Variants in RABGEF1 observed in about 807,000 individuals in gnomAD.
RABGEF1 encodes the protein rab5 GDP/GTP exchange factor.
In RABGEF1, 26 loss-of-function variants were observed where a neutral mutation model predicts 57.3. The ratio of observed to expected loss-of-function variants is 0.45; its 90% CI spans 0.33 to 0.63. The LOEUF (loss-of-function observed/expected upper bound fraction) is 0.63. Ranked by LOEUF, RABGEF1 falls within the 20% of genes least tolerant of loss-of-function variation. The pLI is 0.02. For synonymous variants in RABGEF1, 185 were observed against 210.7 expected, an observed-to-expected ratio of 0.88 and a Z score of 1.06; for missense variants, 464 against 607.6, an observed-to-expected ratio of 0.76 and a Z score of 2.48.
At chr7:66,675,330 C>T in the RABGEF1 span, among the ~76,000 whole-genome samples, 5 of 151,784 alleles carry the variant, frequency 3.3e-5, no homozygotes, top group South Asian at 4.2e-4. Context: ...TTCGGGGGGC[C>T]GAGGCAGGAG....
chr7:66,738,496 G>A (rs563659962), upstream of RABGEF1, among the ~76,000 whole-genome samples: 16 of 152,184 alleles, frequency 1.1e-4, no homozygotes, highest in South Asian at 1.0e-3. Context: ...TTTGGAGGCC[G>A]GGGTGGGCAG....
the RABGEF1 span, among the ~76,000 whole-genome samples, chr7:66,666,613 G>A: frequency 1.3e-5 from 2 of 152,332 alleles, no homozygotes; most frequent in African/African-American, 2.4e-5. Context: ...AGGGGCAGAT[G>A]TTGAGCCTCT....
intron 1 of RABGEF1, among the ~76,000 whole-genome samples, chr7:66,758,107 C>G (rs1299706631): frequency 3.3e-5 from 5 of 152,074 alleles, no homozygotes; most frequent in African/African-American, 9.7e-5. Context: ...GATGAGTTGC[C>G]TGGAGAGAGG....
intron 7 of RABGEF1, 40 bp from the exon 8 acceptor site, chr7:66,805,100 T>A (rs1231948874): frequency 6.5e-7 from 1 of 1,542,964 alleles, no homozygotes; most frequent in South Asian, 1.1e-5. Flanking sequence ...TTTTTTGTGA[T>A]TCTTTTCTCC....
intron 4 of RABGEF1, among the ~76,000 whole-genome samples, chr7:66,794,147 C>T (rs1813420561): frequency 1.3e-5 from 2 of 150,568 alleles, no homozygotes; most frequent in Admixed American, 1.3e-4. Context: ...TAGACATCTT[C>T]CAGGAAAACA....
intron 6 of RABGEF1, 48 bp from the exon 7 acceptor site, chr7:66,799,275 G>A: frequency 6.7e-7 from 1 of 1,483,124 alleles, no homozygotes. Flanking sequence ...AAGACAAATG[G>A]CCACAGTTTA....
chr7:66,722,984 T>C (rs1796211805), intron 2 of RABGEF1, among the ~76,000 whole-genome samples: 2 of 152,188 alleles, frequency 1.3e-5, no homozygotes, highest in African/African-American at 4.8e-5. Flanking sequence ...TTTCTTTTTT[T>C]TTGAGATGGA....
At position 66,711,405 on chromosome 7, in the gene RABGEF1, A is replaced by ATTT. The variant is rs202115107; in HGVS notation, c.-872-748_-872-746dup. Among the ~76,000 whole-genome samples the ATTT allele has an allele frequency of 4.3e-5, 6 of 138,232 alleles. 1 individual carries two copies. In the East Asian group the frequency reaches 6.2e-4, roughly 14 times the overall value. The allele number at this position is 138,232 out of a possible 152,430, so 90.7% of individuals were successfully genotyped here. Reference sequence around the variant, plus strand: ...TTAGATCTGAGATCTTTTTGTGCTAATTTTTTTTTTTTTTTTGCATAAGCT... The same window carrying ATTT: ...TTAGATCTGAGATCTTTTTGTGCTAATTTTTTTTTTTTTTTTTTTGCATAAGCT... On this transcript the variant is annotated intron_variant and NMD_transcript_variant, in intron 1 of 9. Transcript: ENST00000607882.
intron 1 of RABGEF1, among the ~76,000 whole-genome samples, chr7:66,694,952 G>A (rs1162607155): frequency 1.3e-5 from 2 of 152,302 alleles, no homozygotes; most frequent in South Asian, 2.1e-4. Context: ...GCCCTGTTGA[G>A]GACGAGGCTG....
chr7:66,769,029 A>C (rs1271569391), intron 1 of RABGEF1: 1 of 152,212 alleles, frequency 6.6e-6, no homozygotes, highest in Non-Finnish European at 1.5e-5. Context: ...GGAGATGGTA[A>C]GTGGGGGGAT....
chr7:66,682,271 C>CG (rs1247525947), intron 1 of RABGEF1: 3 of 162,194 alleles, frequency 1.8e-5, no homozygotes, highest in Non-Finnish European at 4.4e-5. Context: ...ACGGAGTGGA[C>CG]GGACTGGGGC....
At chr7:66,808,842 C>A in intron 8 of RABGEF1, 44 bp from the exon 9 acceptor site, 1 of 1,471,006 alleles carries the variant, frequency 6.8e-7, no homozygotes, top group South Asian at 1.3e-5. Flanking sequence ...CTCGAGTATG[C>A]ATAGCTTTCC....
Position 66,771,891 on chromosome 7 carries a change from A to G in RABGEF1, c.-9A>G. ...CTTTCTTGTTTGTTCAGTGGTTAGC[A>G]GGAAGAAGATGAGCCTTAAGTCTGA... On this transcript the variant is annotated 5_prime_UTR_variant, in exon 2 of 9. Transcript: ENST00000284957. 16 of 1,492,714 alleles carry G rather than the reference A, an allele frequency of 1.1e-5. No homozygotes were observed. The highest frequency in any genetic ancestry group is 1.4e-5 in the Non-Finnish European group (16 of 1,114,944). 92.5% of individuals were successfully genotyped at this position (1,492,714 alleles called of 1,614,324 possible). A position where few individuals can be genotyped will look rare whatever the true frequency, so the allele number is the denominator to read the frequency against.
intron 7 of RABGEF1, among the ~76,000 whole-genome samples, chr7:66,800,633 C>T (rs1049750206): frequency 6.6e-6 from 1 of 152,192 alleles, no homozygotes; most frequent in Non-Finnish European, 1.5e-5. Flanking sequence ...TGGAGGCCTT[C>T]TAAAAGCCTG....
upstream of RABGEF1, among the ~76,000 whole-genome samples, chr7:66,678,337 G>C (rs1202022025): frequency 6.6e-6 from 1 of 151,868 alleles, no homozygotes; most frequent in Non-Finnish European, 1.5e-5. Flanking sequence ...AGGCCGAGGT[G>C]GGCGGATCAC....
At position 66,711,347 on chromosome 7, in the gene RABGEF1, C is replaced by T. The variant is rs1236276210; in HGVS notation, c.-872-820C>T. On this transcript the variant is annotated intron_variant and NMD_transcript_variant, in intron 1 of 9. Coordinates refer to the RABGEF1 transcript ENST00000607882. ...TAACCTAATGTCACAATATTTTTTT[C>T]GATGTTTTCTTCTTAAAGTTTTAGT... 1.1e-4 allele frequency among the ~76,000 whole-genome samples: 16 copies of T among 150,126 alleles called. No homozygotes were observed. The East Asian group carries it at 1.4e-3, about 13-fold the overall frequency.
chr7:66,719,369 A>G (rs745724893), intron 2 of RABGEF1, among the ~76,000 whole-genome samples: 57 of 152,182 alleles, frequency 3.7e-4, no homozygotes, highest in Non-Finnish European at 7.1e-4. Flanking sequence ...AGCCCAGCTA[A>G]TTTTTATATA....
chr7:66,705,339 A>T (rs983483676), intron 1 of RABGEF1, among the ~76,000 whole-genome samples: 6 of 152,090 alleles, frequency 3.9e-5, no homozygotes, highest in Middle Eastern at 6.8e-3. Context: ...AGGGAGGCTG[A>T]GGCAGGAGAA....
intron 1 of RABGEF1, among the ~76,000 whole-genome samples, chr7:66,709,875 A>G (rs761274035): frequency 6.6e-6 from 1 of 152,244 alleles, no homozygotes; most frequent in Non-Finnish European, 1.5e-5. Context: ...AGGTAATACT[A>G]GAAACAATTG....
Sources: gnomAD v4.1 joint callset for allele counts (sites outside exome capture counted in the v4.1 genomes callset) on GRCh38, gnomAD v4.1.1 for gene constraint, MANE v1.5 for transcripts, NCBI Gene and HGNC (gene_info 2026-07-23, HGNC 2026-07-21) for gene names.